KLF5: variants seen among roughly 807,000 people sequenced by gnomAD.
KLF5 encodes Krueppel-like factor 5.
A neutral mutation model predicts 36.9 loss-of-function variants in KLF5; 9 were observed. That is an observed-to-expected ratio of 0.24 (90% CI 0.15 to 0.43). The LOEUF is 0.43. Ranked by LOEUF, KLF5 falls within the 20% of genes least tolerant of loss-of-function variation. The pLI is 1.00. For synonymous variants in KLF5, 246 were observed against 241.7 expected (o/e 1.02, Z -0.17); for missense variants, 524 against 599.5 (o/e 0.87, Z 1.31).
Position 73,062,246 on chromosome 13 carries a change from A to G in KLF5, c.647A>G (p.Asp216Gly). The change falls in exon 2 of 4, where the codon GAT (aspartate) becomes GGT (glycine). Residue 216 changes from aspartate (D) to glycine (G), a missense_variant. By Grantham distance (94) the Asp-to-Gly change is moderately conservative (BLOSUM62 -1). Around this residue, in one of 4 missense-constraint regions of KLF5, gnomAD observed 454 missense variants for 458.1 expected, o/e 0.99. Coordinates refer to ENST00000377687, the MANE Select transcript of KLF5 (RefSeq NM_001730.5). Reference protein sequence around the residue: ...IFIKQELPTPDLHLSVPTQQG... With the variant: ...IFIKQELPTPGLHLSVPTQQG... ...ATCAAACAAGAACTTCCTACACCAGATCTTCATCTTTCTGTCCCTACCCAG... is the reference window on the plus strand; with the variant it reads ...ATCAAACAAGAACTTCCTACACCAGGTCTTCATCTTTCTGTCCCTACCCAG... 1 of 1,613,954 alleles carries G rather than the reference A, an allele frequency of 6.2e-7. No homozygotes were observed. Among genetic ancestry groups the G allele is most frequent in the Non-Finnish European group, 8.5e-7 (1 of 1,179,998 alleles).
intron 1 of KLF5, among the ~76,000 whole-genome samples, chr13:73,060,404 AG>A (rs1431727612): frequency 2.0e-5 from 3 of 152,182 alleles, no homozygotes; most frequent in Admixed American, 2.0e-4. Context: ...CAGCTGGAAG[AG>A]CTAAAATCAG....
At chr13:73,073,547 C>G (rs2044737260) in intron 3 of KLF5, among the ~76,000 whole-genome samples, 1 of 152,164 alleles carries the variant, frequency 6.6e-6, no homozygotes, top group Non-Finnish European at 1.5e-5. Flanking sequence ...TTGTTTCTTA[C>G]ATAAACTCTG....
At chr13:73,066,188 A>C (rs2044678511) in intron 3 of KLF5, among the ~76,000 whole-genome samples, 1 of 152,158 alleles carries the variant, frequency 6.6e-6, no homozygotes, top group Non-Finnish European at 1.5e-5. Flanking sequence ...GTAATCATAG[A>C]GCATTGAGGT....
rs1475755293 is a variant in KLF5, at chr13:73,062,593, A to G, written c.994A>G (p.Ile332Val). 6 of 1,614,204 alleles carry G rather than the reference A, an allele frequency of 3.7e-6. No individual in the cohort carries two copies. Among genetic ancestry groups the G allele is most frequent in the Non-Finnish European group, 5.1e-6 (6 of 1,180,034 alleles). Residue 332 changes from isoleucine to valine, a missense_variant, in exon 2 of 4, where the codon ATT becomes GTT. Ile to Val is a conservative substitution (Grantham distance 29, BLOSUM62 3). Transcript: ENST00000377687. Reference sequence around the variant, plus strand: ...CCCACCTCCATCCTATGCTGCTACAATTGCTTCTAAACTGGCAATTCACAA... The same window carrying G: ...CCCACCTCCATCCTATGCTGCTACAGTTGCTTCTAAACTGGCAATTCACAA... ...LTPPPSYAAT[I>V]ASKLAIHNPN... is the part of the protein sequence containing the mutation.
At position 73,059,644 on chromosome 13, in the gene KLF5, T is replaced by G. The variant is rs1439255624; in HGVS notation, c.261+56T>G. ...CACTCCCGGGCTCGGGCGTGTCCCGTTGCTGCGACTCGCGGGCGACAGGGG... is the reference window on the plus strand; with the variant it reads ...CACTCCCGGGCTCGGGCGTGTCCCGGTGCTGCGACTCGCGGGCGACAGGGG... On this transcript the variant is annotated intron_variant, in intron 1 of 3. Coordinates refer to ENST00000377687, the MANE Select transcript of KLF5 (RefSeq NM_001730.5). The G allele has an allele frequency of 1.6e-5, 18 of 1,113,194 alleles. No individual in the cohort carries two copies. The East Asian group carries it at 5.9e-4, about 36-fold the overall frequency. 69.0% of individuals were successfully genotyped at this position (1,113,194 alleles called of 1,614,324 possible).
chr13:73,069,240 G>T (rs1015989607), intron 3 of KLF5, among the ~76,000 whole-genome samples: 1 of 152,126 alleles, frequency 6.6e-6, no homozygotes, highest in African/African-American at 2.4e-5. Context: ...AGGGTAAAAG[G>T]CTTTTTAGGA....
At chr13:73,060,500 C>T (rs1302169343) in intron 1 of KLF5, 1 of 152,198 alleles carries the variant, frequency 6.6e-6, no homozygotes. Flanking sequence ...AGCTCTTTGG[C>T]GTGTCGTATA....
At position 73,059,392 on chromosome 13, in the gene KLF5, A is replaced by T. The variant is rs1566562401; in HGVS notation, c.65A>T (p.Gln22Leu). 2 of 1,401,314 alleles carry T rather than the reference A, an allele frequency of 1.4e-6. No homozygotes were observed. Among genetic ancestry groups the T allele is most frequent in the African/African-American group, 1.5e-5 (1 of 66,848 alleles). The allele number at this position is 1,401,314 out of a possible 1,614,324, so 86.8% of individuals were successfully genotyped here. ...CCCGTGCCCCAGCCGCCGGCGCCGC[A>T]GGACGAGCCGGTGTTCGCGCAGCTC... Reference protein sequence around the residue: ...LGPVPQPPAPQDEPVFAQLKP... With the variant: ...LGPVPQPPAPLDEPVFAQLKP... The change falls in exon 1 of 4, where the codon CAG (glutamine) becomes CTG (leucine). Residue 22 changes from glutamine to leucine, a missense_variant. Physicochemically the swap from Gln to Leu is moderately radical, Grantham distance 113. This residue lies in a region of KLF5 where 454 missense variants were observed against 458.1 expected (regional missense o/e 0.99). Transcript: ENST00000377687.
rs568183432 is a variant in KLF5 at position 73,076,965 on chromosome 13, T to C, written c.*1079T>C. The C allele has an allele frequency of 6.6e-6, 1 of 152,626 alleles. No homozygotes were observed. Among genetic ancestry groups the C allele is most frequent in the South Asian group, 2.1e-4 (1 of 4,830 alleles). The allele number at this position is 152,626 out of a possible 1,614,324, so 9.5% of individuals were successfully genotyped here. On this transcript the variant is annotated 3_prime_UTR_variant, in exon 4 of 4. Coordinates refer to ENST00000377687, the MANE Select transcript of KLF5 (RefSeq NM_001730.5). ...TGAGACACAGTAATTTTATCTAAAT[T>C]ACAGTGCAGTTTAGTTAATCTATTA...
chr13:73,055,494 T>C (rs1326763180), upstream of KLF5, among the ~76,000 whole-genome samples: 1 of 152,214 alleles, frequency 6.6e-6, no homozygotes, highest in Non-Finnish European at 1.5e-5. Context: ...GTCAAAATGC[T>C]TTAAATTCCA....
chr13:73,066,183 CAT>C (rs913184400), intron 3 of KLF5, among the ~76,000 whole-genome samples: 33 of 152,278 alleles, frequency 2.2e-4, no homozygotes, highest in African/African-American at 7.7e-4. Flanking sequence ...CTTGGGTAAT[CAT>C]AGAGCATTGA....
At position 73,077,388 on chromosome 13, in the gene KLF5, GCTT is replaced by G. The variant is rs2139122550; in HGVS notation, c.*1506_*1508del. ...AAAAGCAGAAATCGGTTGCTGTTTT[GCTT>G]CTTTTTCCCTCTTATTTTTGTATTG... On this transcript the variant is annotated 3_prime_UTR_variant, in exon 4 of 4. Transcript: ENST00000377687. 6.5e-6 allele frequency: 1 copy of G among 152,688 alleles called. No homozygotes were observed. The highest frequency in any genetic ancestry group is 2.1e-4 in the South Asian group (1 of 4,830). The allele number at this position is 152,688 out of a possible 1,614,324, so 9.5% of individuals were successfully genotyped here. A position where few individuals can be genotyped will look rare whatever the true frequency, so the allele number is the denominator to read the frequency against.
At chr13:73,068,507 C>G (rs2044697849) in intron 3 of KLF5, among the ~76,000 whole-genome samples, 1 of 151,880 alleles carries the variant, frequency 6.6e-6, no homozygotes, top group African/African-American at 2.4e-5. Flanking sequence ...GGTTCGAGAC[C>G]AGCCTGGCCA....
upstream of KLF5, among the ~76,000 whole-genome samples, chr13:73,055,679 G>C (rs2044578846): frequency 1.3e-5 from 2 of 152,076 alleles, no homozygotes; most frequent in South Asian, 2.1e-4. Flanking sequence ...GATTCTAACA[G>C]GGGTGTGCAA....
In KLF5 at chr13:73,060,662, A is replaced by G. The variant is rs1324055940; in HGVS notation, c.261+1074A>G. On this transcript the variant is annotated intron_variant, in intron 1 of 3. Transcript: ENST00000377687. ...GGAAACCCCGTCCGCATCCACACCA[A>G]GGTCCGAGATGAAACGCATTTGAAA... The G allele has an allele frequency of 3.3e-5, 5 of 152,216 alleles. No homozygotes were observed. The East Asian group carries it at 5.8e-4, about 18-fold the overall frequency. 9.4% of individuals were successfully genotyped at this position (152,216 alleles called of 1,614,324 possible). A position where few individuals can be genotyped will look rare whatever the true frequency, so the allele number is the denominator to read the frequency against.
chr13:73,066,989 T>G (rs1048331184), intron 3 of KLF5, among the ~76,000 whole-genome samples: 1 of 152,216 alleles, frequency 6.6e-6, no homozygotes, highest in African/African-American at 2.4e-5. Context: ...CTTATAGATG[T>G]GGATGTTCGC....
Position 73,060,157 on chromosome 13 carries a change from TAAAAAAA to T in KLF5, c.261+585_261+591del, listed in dbSNP as rs535575783. Among the ~76,000 whole-genome samples the T allele has an allele frequency of 5.0e-3, 588 of 116,688 alleles. 7 individuals are homozygous for T. Among genetic ancestry groups the T allele is most frequent in the Non-Finnish European group, 7.9e-3 (465 of 59,202 alleles). 76.6% of individuals were successfully genotyped at this position (116,688 alleles called of 152,430 possible). On this transcript the variant is annotated intron_variant, in intron 1 of 3. Coordinates refer to ENST00000377687, the MANE Select transcript of KLF5 (RefSeq NM_001730.5). ...TTGTGTCGGAGCGCTTATTTTTCCT[TAAAAAAA>T]AAAAAAAAAAAAAAAGACCGGGGGT...
chr13:73,058,453 G>A (rs2044597696), upstream of KLF5, among the ~76,000 whole-genome samples: 1 of 152,202 alleles, frequency 6.6e-6, no homozygotes, highest in South Asian at 2.1e-4. Flanking sequence ...GACAAGAGCT[G>A]TTTTAAATTT....
intron 3 of KLF5, among the ~76,000 whole-genome samples, chr13:73,068,948 T>A (rs189790696): frequency 1.3e-5 from 2 of 151,962 alleles, no homozygotes; most frequent in Non-Finnish European, 2.9e-5. Context: ...ATACAAAAAT[T>A]AGCTGGGCAT....
Sources: allele counts gnomAD v4.1 joint callset (sites outside exome capture counted in the v4.1 genomes callset), GRCh38; gene constraint gnomAD v4.1.1; regional missense constraint gnomAD v4.1.1; transcripts MANE v1.5; gene names NCBI Gene and HGNC (gene_info 2026-07-23, HGNC 2026-07-21).